Variants in MCTP1 observed in about 807,000 individuals in gnomAD.
MCTP1 encodes the protein multiple C2 and transmembrane domain containing 1.
Under a neutral mutation model 120.6 loss-of-function variants are expected in MCTP1, and 69 were observed. The ratio of observed to expected loss-of-function variants is 0.57; its 90% CI spans 0.47 to 0.70. The LOEUF is 0.70. MCTP1 is among the 30% of genes least tolerant of loss of function. MCTP1 has a pLI of 0.00. For missense variants in MCTP1, 1,203 were observed against 1,248.8 expected (o/e 0.96, Z 0.55); for synonymous variants, 529 against 493.1 (o/e 1.07, Z -0.96).
At chr5:95,093,190 A>G (rs1245898236) in intron 1 of MCTP1, among the ~76,000 whole-genome samples, 1 of 152,162 alleles carries the variant, frequency 6.6e-6, no homozygotes, top group Non-Finnish European at 1.5e-5. Context: ...TTGTTTGGTT[A>G]TTGTTGTTGT....
At chr5:95,246,222 C>T (rs1025325173) in intron 1 of MCTP1, among the ~76,000 whole-genome samples, 2 of 152,206 alleles carry the variant, frequency 1.3e-5, no homozygotes, top group South Asian at 2.1e-4. Context: ...ACTGCAAAAA[C>T]ATGCCAAATT....
chr5:95,114,036 GC>G (rs1421328556), intron 1 of MCTP1, among the ~76,000 whole-genome samples: 1 of 152,118 alleles, frequency 6.6e-6, no homozygotes, highest in Non-Finnish European at 1.5e-5. Context: ...CATATTCTGG[GC>G]CAGAAGAGAA....
intron 1 of MCTP1, among the ~76,000 whole-genome samples, chr5:95,118,575 A>G (rs1582288500): frequency 6.6e-6 from 1 of 152,184 alleles, no homozygotes. Flanking sequence ...AAACTCTCCA[A>G]TTAAAAGACA....
intron 1 of MCTP1, among the ~76,000 whole-genome samples, chr5:95,054,166 A>G (rs1340825087): frequency 6.6e-6 from 1 of 151,856 alleles, no homozygotes; most frequent in African/African-American, 2.4e-5. Flanking sequence ...GGAATACAAC[A>G]CAATAGAATA....
rs1756592297 is a variant in MCTP1, at chr5:95,099,897, G to C, written c.721-82413C>G. Among the ~76,000 whole-genome samples the C allele has an allele frequency of 5.3e-5, 8 of 151,532 alleles. No homozygotes were observed. In the South Asian group the frequency reaches 1.7e-3, roughly 32 times the overall value. ...CCAAATGTCCAACAATGATAGACTG[G>C]ATTAAGAAAATGTGGCACATATACA... is the stretch of plus-strand genomic sequence containing the variant. On this transcript the variant is annotated intron_variant, in intron 1 of 22. Transcript: ENST00000515393.
intron 1 of MCTP1, among the ~76,000 whole-genome samples, chr5:95,029,642 C>T (rs922623996): frequency 6.6e-6 from 1 of 152,008 alleles, no homozygotes; most frequent in Non-Finnish European, 1.5e-5. Context: ...TCTCTCTCCT[C>T]TCACCTCTCT....
intron 19 of MCTP1, among the ~76,000 whole-genome samples, chr5:94,742,117 A>G (rs1354979471): frequency 1.3e-5 from 2 of 152,232 alleles, no homozygotes; most frequent in African/African-American, 4.8e-5. Flanking sequence ...AAACGGCTGG[A>G]AAGTGGAAGA....
At chr5:95,101,665 G>A (rs1342214151) in intron 1 of MCTP1, among the ~76,000 whole-genome samples, 3 of 152,182 alleles carry the variant, frequency 2.0e-5, no homozygotes, top group Non-Finnish European at 4.4e-5. Context: ...CAGAAAGAAC[G>A]TAGAGAGTCA....
intron 19 of MCTP1, among the ~76,000 whole-genome samples, chr5:94,776,082 AG>A (rs1219539327): frequency 3.3e-5 from 5 of 151,634 alleles, no homozygotes; most frequent in African/African-American, 1.2e-4. Context: ...CTGGTGCTAC[AG>A]TCAGTACTAA....
At position 94,773,936 on chromosome 5, in the gene MCTP1, C is replaced by T. The variant is rs1253751017; in HGVS notation, c.2610+5174G>A. 3.8e-4 allele frequency among the ~76,000 whole-genome samples: 15 copies of T among 39,216 alleles called. 3 individuals are homozygous for T. The highest frequency in any genetic ancestry group is 1.4e-4 in the Non-Finnish European group (3 of 21,320). 25.7% of individuals were successfully genotyped at this position (39,216 alleles called of 152,430 possible). A position where few individuals can be genotyped will look rare whatever the true frequency, so the allele number is the denominator to read the frequency against. ...CATATTAGATGAAATAGGCCGGGCG[C>T]GGTGGCTCACGCCTGTAATCCCAGC... On this transcript the variant is annotated intron_variant, in intron 19 of 22. Coordinates refer to ENST00000515393, the MANE Select transcript of MCTP1 (RefSeq NM_024717.7).
chr5:94,728,705 C>G (rs1762573410), intron 19 of MCTP1, among the ~76,000 whole-genome samples: 2 of 152,208 alleles, frequency 1.3e-5, no homozygotes, highest in South Asian at 2.1e-4. Flanking sequence ...TTCTTCTCAC[C>G]CACTGTCTTT....
At chr5:94,964,620 A>G (rs1212947548) in intron 2 of MCTP1, among the ~76,000 whole-genome samples, 2 of 152,172 alleles carry the variant, frequency 1.3e-5, no homozygotes, top group African/African-American at 4.8e-5. Flanking sequence ...TTTCTTTTAC[A>G]GTTTTAAAGT....
chr5:94,849,017 A>C (rs1793105172), intron 17 of MCTP1, among the ~76,000 whole-genome samples: 1 of 151,988 alleles, frequency 6.6e-6, no homozygotes, highest in South Asian at 2.1e-4. Context: ...CTTCCATATT[A>C]AAAAATACAA....
chr5:94,940,575 T>TAC (rs1554144649), intron 4 of MCTP1, among the ~76,000 whole-genome samples: 15 of 119,444 alleles, frequency 1.3e-4, no homozygotes, highest in Non-Finnish European at 1.8e-4. Context: ...TATATATATA[T>TAC]ACATATATAT....
At chr5:95,200,093 G>A (rs767012830) in intron 1 of MCTP1, among the ~76,000 whole-genome samples, 10 of 151,672 alleles carry the variant, frequency 6.6e-5, no homozygotes, top group Non-Finnish European at 7.4e-5. Flanking sequence ...CCCGGGAGGC[G>A]GAAGTTGCGG....
At chr5:95,211,600 C>A (rs143820623) in intron 1 of MCTP1, among the ~76,000 whole-genome samples, 9 of 152,256 alleles carry the variant, frequency 5.9e-5, no homozygotes, top group Admixed American at 2.0e-4. Flanking sequence ...AAGTTTTCAA[C>A]CTCTTTGCCT....
chr5:94,935,367 A>C (rs930723947), intron 5 of MCTP1, among the ~76,000 whole-genome samples: 1 of 152,012 alleles, frequency 6.6e-6, no homozygotes, highest in African/African-American at 2.4e-5. Flanking sequence ...TGCATAATTC[A>C]TGGAACGTAT....
chr5:94,920,686 G>A (rs1265318307), intron 7 of MCTP1, among the ~76,000 whole-genome samples: 1 of 151,612 alleles, frequency 6.6e-6, no homozygotes, highest in Non-Finnish European at 1.5e-5. Context: ...AGCTTATAGT[G>A]AGCCAAGACC....
intron 1 of MCTP1, among the ~76,000 whole-genome samples, chr5:95,245,709 G>A (rs1336351720): frequency 6.6e-6 from 1 of 152,158 alleles, no homozygotes; most frequent in Non-Finnish European, 1.5e-5. Context: ...TTTGATTGGT[G>A]TACCGGAAAG....
Sources: gnomAD v4.1 joint callset for allele counts (sites outside exome capture counted in the v4.1 genomes callset) on GRCh38, gnomAD v4.1.1 for gene constraint, MANE v1.5 for transcripts, NCBI Gene and HGNC (gene_info 2026-07-23, HGNC 2026-07-21) for gene names.